LYSMD3: variants seen among roughly 807,000 people sequenced by gnomAD.
The protein encoded by LYSMD3 is lysM and putative peptidoglycan-binding domain-containing protein 3.
A neutral mutation model predicts 26.1 loss-of-function variants in LYSMD3; 13 were observed. The observed-to-expected ratio is 0.50, with a 90% CI of 0.32 to 0.79. LYSMD3 has a LOEUF of 0.79. Ranked by LOEUF, LYSMD3 falls within the 30% of genes least tolerant of loss-of-function variation. The probability of loss-of-function intolerance (pLI) is 0.03; values close to 1 mark genes in which losing one functional copy is unlikely to be tolerated. For synonymous variants in LYSMD3, 109 were observed against 119.4 expected (o/e 0.91, Z 0.57); for missense variants, 331 against 362.5 (o/e 0.91, Z 0.71).
At position 90,517,866 on chromosome 5, in the gene LYSMD3, T is replaced by C. The variant is rs1452653573; in HGVS notation, c.*953A>G. 1 of 152,490 alleles carries C rather than the reference T, an allele frequency of 6.6e-6. No individual in the cohort carries two copies. The highest frequency in any genetic ancestry group is 1.9e-4 in the East Asian group (1 of 5,196). 9.4% of individuals were successfully genotyped at this position (152,490 alleles called of 1,614,324 possible). A position where few individuals can be genotyped will look rare whatever the true frequency, so the allele number is the denominator to read the frequency against. On this transcript the variant is annotated 3_prime_UTR_variant, in exon 3 of 3. Transcript: ENST00000315948. The stretch of plus-strand genomic sequence containing the variant: ...TATATAGCCTATGTAACGAATCTGA[T>C]TGGACCATATGAAATAATGCTTATT...
rs750495996 is a variant in LYSMD3, at chr5:90,526,453, C to T, written c.-11-1153G>A. Among the ~76,000 whole-genome samples the T allele has an allele frequency of 7.2e-5, 11 of 152,284 alleles. No individual in the cohort carries two copies. In the South Asian group the frequency reaches 1.0e-3, roughly 14 times the overall value. ...ACTTGCATACTAACTCTCAACTCAC[C>T]ATCATCAAGTTGATCTATCTACTCT... On this transcript the variant is annotated intron_variant, in intron 1 of 2. Transcript: ENST00000315948.
chr5:90,528,507 A>C (rs1032459934), intron 1 of LYSMD3, among the ~76,000 whole-genome samples: 8 of 152,156 alleles, frequency 5.3e-5, no homozygotes, highest in Non-Finnish European at 8.8e-5. Context: ...CTGTCTCACT[A>C]TCTCTCCACT....
At chr5:90,521,919 T>A in intron 2 of LYSMD3, among the ~76,000 whole-genome samples, 1 of 152,302 alleles carries the variant, frequency 6.6e-6, no homozygotes, top group Admixed American at 6.5e-5. Context: ...AAATGATAGA[T>A]CCTTTTATAA....
chr5:90,525,115 G>A lies in LYSMD3; in HGVS notation c.175C>T (p.Leu59Phe). ...KVRRSTSRDRLDDIIVLTKDI... is the reference protein window; with the variant it reads ...KVRRSTSRDRFDDIIVLTKDI... Reference sequence around the variant, plus strand: ...TTTGTTAATACTATAATGTCGTCAAGTCTATCTCTTGATGTACTTCTTCGG... The same window carrying A: ...TTTGTTAATACTATAATGTCGTCAAATCTATCTCTTGATGTACTTCTTCGG... Residue 59 changes from leucine to phenylalanine, a missense_variant, in exon 2 of 3, where the codon CTT (leucine) becomes TTT (phenylalanine). By Grantham distance (22) the Leu-to-Phe change is conservative. Coordinates refer to ENST00000315948, the MANE Select transcript of LYSMD3 (RefSeq NM_198273.2). 1 of 1,613,998 alleles carries A rather than the reference G, an allele frequency of 6.2e-7. No homozygotes were observed. Among genetic ancestry groups the A allele is most frequent in the Non-Finnish European group, 8.5e-7 (1 of 1,179,902 alleles).
rs1185396822 is a variant in LYSMD3 at position 90,518,514 on chromosome 5, TAAAA to T, written c.*301_*304del. On this transcript the variant is annotated 3_prime_UTR_variant, in exon 3 of 3. Transcript: ENST00000315948. ...ATTAATAAACTTTTTAAAAATTACT[TAAAA>T]AAATAAAATTTAAACATGCATTTTA... 2.1e-5 allele frequency: 5 copies of T among 237,624 alleles called. No homozygotes were observed. In the East Asian group the frequency reaches 2.6e-4, roughly 12 times the overall value. 14.7% of individuals were successfully genotyped at this position (237,624 alleles called of 1,614,324 possible).
At chr5:90,521,193 G>T (rs1364876006) in intron 2 of LYSMD3, among the ~76,000 whole-genome samples, 1 of 152,028 alleles carries the variant, frequency 6.6e-6, no homozygotes, top group East Asian at 1.9e-4. Flanking sequence ...TGCCATTAAG[G>T]TTCCACACCT....
chr5:90,520,451 G>T (rs1237185696), intron 2 of LYSMD3: 2 of 456,060 alleles, frequency 4.4e-6, no homozygotes, highest in Non-Finnish European at 8.8e-6. Context: ...CATTCATTGA[G>T]AAATGGAACA....
chr5:90,524,465 T>C (rs1753166878), intron 2 of LYSMD3, among the ~76,000 whole-genome samples: 1 of 152,208 alleles, frequency 6.6e-6, no homozygotes, highest in South Asian at 2.1e-4. Flanking sequence ...TTCTTACCAT[T>C]TGAATAAGAA....
At chr5:90,527,928 G>A (rs1018387782) in intron 1 of LYSMD3, among the ~76,000 whole-genome samples, 1 of 152,132 alleles carries the variant, frequency 6.6e-6, no homozygotes, top group South Asian at 2.1e-4. Flanking sequence ...AGATAACACA[G>A]ATAACTAATA....
chr5:90,529,407 T>C (rs2151923110), intron 1 of LYSMD3, 41 bp downstream of exon 1: 1 of 456,320 alleles, frequency 2.2e-6, no homozygotes, highest in Non-Finnish European at 4.4e-6. Flanking sequence ...AACCCCGCCC[T>C]CCTGGACCGG....
At chr5:90,521,070 G>C (rs528032621) in intron 2 of LYSMD3, among the ~76,000 whole-genome samples, 1 of 152,202 alleles carries the variant, frequency 6.6e-6, no homozygotes, top group Non-Finnish European at 1.5e-5. Context: ...AGGAGATTAC[G>C]AATGGCCAGG....
At position 90,526,155 on chromosome 5, in the gene LYSMD3, T is replaced by C. The variant is rs546663165; in HGVS notation, c.-11-855A>G. ...AACTTCATTCAGGATTGGAGTATCT[T>C]TCGTATTACTTCCTCCTGGACTTTG... On this transcript the variant is annotated intron_variant, in intron 1 of 2. Transcript: ENST00000315948. 3.9e-5 allele frequency among the ~76,000 whole-genome samples: 6 copies of C among 152,302 alleles called. No homozygotes were observed. In the East Asian group the frequency reaches 9.6e-4, roughly 24 times the overall value.
chr5:90,523,289 T>C (rs1753137711), intron 2 of LYSMD3, among the ~76,000 whole-genome samples: 1 of 152,040 alleles, frequency 6.6e-6, no homozygotes, highest in Admixed American at 6.5e-5. Context: ...AAATATTTTA[T>C]TAAATTTTAA....
chr5:90,520,353 T>A, intron 2 of LYSMD3: 2 of 455,596 alleles, frequency 4.4e-6, no homozygotes, highest in South Asian at 3.1e-5. Flanking sequence ...TAAAACCTAA[T>A]CATGTATCAC....
chr5:90,525,842 T>C (rs573030700), intron 1 of LYSMD3, among the ~76,000 whole-genome samples: 11 of 152,286 alleles, frequency 7.2e-5, no homozygotes, highest in African/African-American at 2.6e-4. Flanking sequence ...CTCTATTAGA[T>C]CATATATCAC....
intron 2 of LYSMD3, among the ~76,000 whole-genome samples, chr5:90,523,760 G>C (rs1168056160): frequency 6.6e-6 from 1 of 152,070 alleles, no homozygotes; most frequent in East Asian, 1.9e-4. Flanking sequence ...ACTATGTTAA[G>C]TCATGAGGAA....
intron 1 of LYSMD3, among the ~76,000 whole-genome samples, chr5:90,528,260 G>C (rs1753273371): frequency 6.6e-6 from 1 of 152,106 alleles, no homozygotes. Context: ...AGGCATCCAT[G>C]ATCAAAAAAG....
intron 2 of LYSMD3, 131 bp from the exon 3 acceptor site, chr5:90,519,615 A>T: frequency 5.8e-6 from 5 of 862,180 alleles, no homozygotes; most frequent in Non-Finnish European, 8.6e-6. Context: ...TTGCACCCAG[A>T]GAAATTTTAA....
Position 90,518,680 on chromosome 5 carries a change from A to G in LYSMD3, c.*139T>C. 1 of 818,878 alleles carries G rather than the reference A, an allele frequency of 1.2e-6. No homozygotes were observed. Among genetic ancestry groups the G allele is most frequent in the Non-Finnish European group, 1.8e-6 (1 of 548,520 alleles). The allele number at this position is 818,878 out of a possible 1,614,324, so 50.7% of individuals were successfully genotyped here. On this transcript the variant is annotated 3_prime_UTR_variant, in exon 3 of 3. Transcript: ENST00000315948. ...CAACTAGTTGCTCAAAAAATTTTCA[A>G]AGTGTGAAACCCTTTTGTTAAAAAC...
Sources: gnomAD v4.1 joint callset for allele counts (sites outside exome capture counted in the v4.1 genomes callset) on GRCh38, gnomAD v4.1.1 for gene constraint, MANE v1.5 for transcripts, NCBI Gene and HGNC (gene_info 2026-07-23, HGNC 2026-07-21) for gene names.